TRARG1: variants seen among roughly 807,000 people sequenced by gnomAD.
TRARG1 encodes the protein trafficking regulator of GLUT4 (SLC2A4) 1 (gene/pseudogene).
Under a neutral mutation model 13.3 loss-of-function variants are expected in TRARG1, and 16 were observed. The ratio of observed to expected loss-of-function variants is 1.20; its 90% CI spans 0.81 to 1.83. The LOEUF (loss-of-function observed/expected upper bound fraction) is 1.83. Ranked by LOEUF, TRARG1 falls within the 40% of genes most tolerant of loss-of-function variation. The pLI is 0.00. For synonymous variants in TRARG1, 113 were observed against 106.2 expected, an observed-to-expected ratio of 1.06 and a Z score of -0.39; for missense variants, 250 against 237.4, an observed-to-expected ratio of 1.05 and a Z score of -0.35.
chr17:1,288,290 C>T (rs1241896764), intron 1 of TRARG1, among the ~76,000 whole-genome samples: 18 of 114,078 alleles, frequency 1.6e-4, no homozygotes, highest in Admixed American at 8.6e-4. Context: ...CATCCCCCAC[C>T]GGGTTCCCCA....
chr17:1,298,383 A>C lies in TRARG1; in HGVS notation c.*119A>C. ...AGCATCCCCTGTCCCCAAGTTCCAA[A>C]AGCACAGACTCAAAGGGAAACCCCC... On this transcript the variant is annotated 3_prime_UTR_variant, in exon 3 of 3. Transcript: ENST00000333813. The C allele has an allele frequency of 8.8e-7, 1 of 1,133,752 alleles. No individual in the cohort carries two copies. Among genetic ancestry groups the C allele is most frequent in the Non-Finnish European group, 1.3e-6 (1 of 787,542 alleles). The allele number at this position is 1,133,752 out of a possible 1,614,324, so 70.2% of individuals were successfully genotyped here. A position where few individuals can be genotyped will look rare whatever the true frequency, so the allele number is the denominator to read the frequency against.
intron 1 of TRARG1, 106 bp from the exon 2 acceptor site, chr17:1,295,385 G>A (rs2072103269): frequency 2.1e-6 from 3 of 1,406,018 alleles, no homozygotes; most frequent in Non-Finnish European, 2.9e-6. Flanking sequence ...GACGGGATGT[G>A]TCTGGAGGCC....
At chr17:1,287,375 T>A (rs1029176917) in intron 1 of TRARG1, among the ~76,000 whole-genome samples, 1 of 152,056 alleles carries the variant, frequency 6.6e-6, no homozygotes, top group African/African-American at 2.4e-5. Context: ...TGTTTTCTTT[T>A]TTTGAGACAG....
intron 2 of TRARG1, among the ~76,000 whole-genome samples, chr17:1,296,315 G>T (rs780159391): frequency 1.2e-4 from 19 of 152,096 alleles, no homozygotes; most frequent in Non-Finnish European, 2.1e-4. Context: ...TCCTGCCTCA[G>T]CCTCCTGAGT....
At position 1,299,755 on chromosome 17, in the gene TRARG1, C is replaced by G. The variant is rs1231587187; in HGVS notation, c.*1491C>G. The G allele has an allele frequency of 6.6e-6, 1 of 152,548 alleles. No homozygotes were observed. Among genetic ancestry groups the G allele is most frequent in the African/African-American group, 2.4e-5 (1 of 41,454 alleles). The allele number at this position is 152,548 out of a possible 1,614,324, so 9.4% of individuals were successfully genotyped here. On this transcript the variant is annotated 3_prime_UTR_variant, in exon 3 of 3. Transcript: ENST00000333813. ...ATGCCTTCATGGGAAGGGCTCCCAG[C>G]CACACCCAGAGTGGCCCAAAGCTGT... is the stretch of plus-strand genomic sequence containing the variant.
In TRARG1 at chr17:1,295,586, C is replaced by T. The variant is rs779159272; in HGVS notation, c.483C>T (p.Ile161=). The T allele has an allele frequency of 1.2e-5, 19 of 1,613,014 alleles. No individual in the cohort carries two copies. In the Admixed American group the frequency reaches 2.0e-4, roughly 17 times the overall value. Residue 161 remains isoleucine (I), a synonymous_variant, in exon 2 of 3, where the codon ATC becomes ATT. Coordinates refer to ENST00000333813, the MANE Select transcript of TRARG1 (RefSeq NM_172367.3). ...LLSITLIIMG[I]VIIMVAVTVN... ...GCATTACCCTCATCATCATGGGCAT[C>T]GTCATTATCATGGTGGCCGTGACCG... is the stretch of plus-strand genomic sequence containing the variant.
At chr17:1,282,221 C>T (rs987659903) in intron 1 of TRARG1, among the ~76,000 whole-genome samples, 1 of 91,580 alleles carries the variant, frequency 1.1e-5, no homozygotes, top group East Asian at 4.4e-4. Context: ...TACGTATACA[C>T]GTGCGTATAT....
At chr17:1,282,368 A>T (rs1453904327) in intron 1 of TRARG1, among the ~76,000 whole-genome samples, 1 of 151,022 alleles carries the variant, frequency 6.6e-6, no homozygotes, top group East Asian at 1.9e-4. Flanking sequence ...GTATATATGT[A>T]CGTATATGTA....
intron 2 of TRARG1, among the ~76,000 whole-genome samples, chr17:1,296,414 C>T (rs914445815): frequency 6.6e-6 from 1 of 151,726 alleles, no homozygotes; most frequent in African/African-American, 2.4e-5. Context: ...AGGTTGGTCT[C>T]GAACTCCTGA....
At chr17:1,287,513 A>G (rs1598190818) in intron 1 of TRARG1, among the ~76,000 whole-genome samples, 1 of 151,818 alleles carries the variant, frequency 6.6e-6, no homozygotes, top group East Asian at 1.9e-4. Flanking sequence ...GGGGCCCACT[A>G]CCACGCCTGG....
intron 1 of TRARG1, among the ~76,000 whole-genome samples, chr17:1,287,032 G>A (rs1255153849): frequency 6.6e-6 from 1 of 151,980 alleles, no homozygotes; most frequent in African/African-American, 2.4e-5. Context: ...ACATCGAAGG[G>A]TTGGGCTGTG....
intron 1 of TRARG1, among the ~76,000 whole-genome samples, chr17:1,284,734 G>A (rs201055152): frequency 6.6e-6 from 1 of 152,062 alleles, no homozygotes; most frequent in Non-Finnish European, 1.5e-5. Flanking sequence ...AGGCTGGAGT[G>A]CAGTGGCGCA....
Position 1,280,347 on chromosome 17 carries a change from G to A in TRARG1, c.346G>A (p.Val116Ile), listed in dbSNP as rs56071414. Residue 116 changes from valine to isoleucine, a missense_variant, in exon 1 of 3, where the codon GTC (valine) becomes ATC (isoleucine). Physicochemically the swap from Val to Ile is conservative, Grantham distance 29 (BLOSUM62 3). Coordinates refer to ENST00000333813, the MANE Select transcript of TRARG1 (RefSeq NM_172367.3). Reference protein sequence around the residue: ...ILAVVACFCPVWPLNLIPLII... With the variant: ...ILAVVACFCPIWPLNLIPLII... Reference sequence around the variant, plus strand: ...GGCCGTCGTCGCCTGCTTCTGCCCCGTCTGGCCCCTCAACCTCATCCCCCT... The same window carrying A: ...GGCCGTCGTCGCCTGCTTCTGCCCCATCTGGCCCCTCAACCTCATCCCCCT... The A allele has an allele frequency of 1.2e-4, 198 of 1,611,248 alleles. No homozygotes were observed. The African/African-American group carries it at 2.3e-3, about 19-fold the overall frequency.
chr17:1,284,138 G>GAAAGA (rs1393049162), intron 1 of TRARG1, among the ~76,000 whole-genome samples: 1 of 151,416 alleles, frequency 6.6e-6, no homozygotes. Context: ...AAGAAAGAAA[G>GAAAGA]AAAGAAAAGA....
At chr17:1,280,894 G>A (rs1331412535) in intron 1 of TRARG1, among the ~76,000 whole-genome samples, 1 of 152,190 alleles carries the variant, frequency 6.6e-6, no homozygotes, top group African/African-American at 2.4e-5. Flanking sequence ...CGTACCCTGA[G>A]GGCTCCGGGG....
intron 1 of TRARG1, among the ~76,000 whole-genome samples, chr17:1,288,906 A>G (rs1443832922): frequency 4.4e-3 from 1 of 226 alleles, no homozygotes; most frequent in Non-Finnish European, 6.1e-3. Context: ...ATCCCCCACC[A>G]GACTCCCCAT....
intron 1 of TRARG1, among the ~76,000 whole-genome samples, chr17:1,282,007 C>T (rs1567927851): frequency 6.7e-6 from 1 of 148,956 alleles, no homozygotes; most frequent in Non-Finnish European, 1.5e-5. Flanking sequence ...CAGATATACA[C>T]ATATGTACAT....
At chr17:1,294,691 CTTTT>C (rs35974763) in intron 1 of TRARG1, among the ~76,000 whole-genome samples, 35 of 130,414 alleles carry the variant, frequency 2.7e-4, no homozygotes, top group Admixed American at 8.5e-4. Flanking sequence ...GTCTCAAACT[CTTTT>C]TTTTTTTTTT....
At chr17:1,281,519 C>T (rs1342990443) in intron 1 of TRARG1, among the ~76,000 whole-genome samples, 1 of 152,146 alleles carries the variant, frequency 6.6e-6, no homozygotes, top group African/African-American at 2.4e-5. Flanking sequence ...TTCCCCATCC[C>T]ACCAAAGCCA....
Sources: allele counts gnomAD v4.1 joint callset (sites outside exome capture counted in the v4.1 genomes callset), GRCh38; gene constraint gnomAD v4.1.1; transcripts MANE v1.5; gene names NCBI Gene and HGNC (gene_info 2026-07-23, HGNC 2026-07-21).